The following AGBL4 variants were observed in gnomAD, a reference collection of about 807,000 sequenced individuals.
AGBL4 encodes AGBL carboxypeptidase 4, also known as cytosolic carboxypeptidase 6.
In AGBL4, 58 loss-of-function variants were observed where a neutral mutation model predicts 66.4. The observed-to-expected ratio is 0.87, with a 90% CI of 0.71 to 1.09. The LOEUF (loss-of-function observed/expected upper bound fraction) is 1.09, where lower values mean the gene tolerates loss of function less well. AGBL4 is among the 50% of genes least tolerant of loss of function. The pLI is 0.00. For missense variants in AGBL4, 579 were observed against 631.0 expected (o/e 0.92, Z 0.88); for synonymous variants, 234 against 222.9 (o/e 1.05, Z -0.44).
chr1:49,252,382 C>T (rs1176384222), intron 3 of AGBL4, among the ~76,000 whole-genome samples: 1 of 152,042 alleles, frequency 6.6e-6, no homozygotes, highest in Non-Finnish European at 1.5e-5. Flanking sequence ...AAGGAATAAA[C>T]AAAACCTCCA....
intron 4 of AGBL4, among the ~76,000 whole-genome samples, chr1:49,156,144 C>T (rs1039338965): frequency 2.0e-5 from 3 of 151,992 alleles, no homozygotes; most frequent in African/African-American, 7.2e-5. Context: ...CACTTCTAGA[C>T]CACACATTTC....
At chr1:49,129,866 C>T (rs1645852012) in intron 4 of AGBL4, among the ~76,000 whole-genome samples, 1 of 152,132 alleles carries the variant, frequency 6.6e-6, no homozygotes, top group African/African-American at 2.4e-5. Context: ...ATTTCTAGTT[C>T]TAGATCCCTG....
intron 1 of AGBL4, among the ~76,000 whole-genome samples, chr1:49,972,424 T>C (rs888786648): frequency 6.6e-6 from 1 of 152,148 alleles, no homozygotes; most frequent in East Asian, 1.9e-4. Context: ...CCTGTGGTAT[T>C]TGATATTTTG....
chr1:49,995,029 G>C, intron 1 of AGBL4: 1 of 427,672 alleles, frequency 2.3e-6, no homozygotes, highest in South Asian at 1.7e-5. Flanking sequence ...TTGTCTCAGA[G>C]GGGTCCATGG....
At chr1:49,816,771 T>C (rs1184932841) in intron 2 of AGBL4, among the ~76,000 whole-genome samples, 1 of 152,206 alleles carries the variant, frequency 6.6e-6, no homozygotes, top group African/African-American at 2.4e-5. Context: ...ACAAGACTAA[T>C]TGGCAGCATC....
intron 5 of AGBL4, among the ~76,000 whole-genome samples, chr1:48,925,149 T>TACACACAC (rs55896102): frequency 5.5e-5 from 8 of 145,916 alleles, no homozygotes; most frequent in African/African-American, 7.6e-5. Flanking sequence ...TATATATACA[T>TACACACAC]ACACACACAC....
intron 6 of AGBL4, among the ~76,000 whole-genome samples, chr1:48,724,733 A>C (rs1210336915): frequency 6.6e-6 from 1 of 152,232 alleles, no homozygotes; most frequent in Non-Finnish European, 1.5e-5. Context: ...ATTACAAAAA[A>C]AATCGCAAGT....
At chr1:49,605,631 G>A (rs199524758) in intron 3 of AGBL4, among the ~76,000 whole-genome samples, 1 of 152,096 alleles carries the variant, frequency 6.6e-6, no homozygotes, top group East Asian at 1.9e-4. Context: ...CCTTTTAAAA[G>A]TCTTGTTGCC....
At chr1:48,784,431 T>C (rs981379537) in intron 6 of AGBL4, among the ~76,000 whole-genome samples, 8 of 152,178 alleles carry the variant, frequency 5.3e-5, no homozygotes, top group Non-Finnish European at 1.0e-4. Flanking sequence ...AATAAAACTC[T>C]GTGGTCATGG....
chr1:48,752,563 A>G (rs2148634557), intron 6 of AGBL4, among the ~76,000 whole-genome samples: 1 of 152,322 alleles, frequency 6.6e-6, no homozygotes, highest in East Asian at 1.9e-4. Context: ...AGGGTTGACC[A>G]AAGATTAAGA....
At chr1:49,088,962 A>G (rs980346375) in intron 4 of AGBL4, among the ~76,000 whole-genome samples, 5 of 152,078 alleles carry the variant, frequency 3.3e-5, no homozygotes, top group African/African-American at 4.8e-5. Context: ...TCAAAACCAT[A>G]CAATTACATA....
chr1:49,741,384 G>A (rs888284912), intron 2 of AGBL4, among the ~76,000 whole-genome samples: 9 of 152,064 alleles, frequency 5.9e-5, no homozygotes, highest in Non-Finnish European at 1.3e-4. Context: ...ACCAATAACA[G>A]GCTCTGAAAT....
intron 6 of AGBL4, among the ~76,000 whole-genome samples, chr1:48,735,656 A>AT (rs751893590): frequency 1.3e-5 from 2 of 152,018 alleles, no homozygotes; most frequent in Non-Finnish European, 2.9e-5. Context: ...CCTCTCCCAT[A>AT]TACCAGAAAG....
intron 5 of AGBL4, among the ~76,000 whole-genome samples, chr1:49,020,798 T>A (rs1416064022): frequency 6.6e-6 from 1 of 152,168 alleles, no homozygotes; most frequent in African/African-American, 2.4e-5. Context: ...TCTGTGCCTG[T>A]AGGATGTAAC....
intron 5 of AGBL4, among the ~76,000 whole-genome samples, chr1:49,006,740 C>T (rs1481933087): frequency 4.0e-5 from 6 of 151,302 alleles, no homozygotes; most frequent in Non-Finnish European, 7.4e-5. Flanking sequence ...AGCAGCCTAA[C>T]TGGGAGGCAC....
Position 48,899,713 on chromosome 1 carries a change from A to T in AGBL4, c.595-32483T>A, listed in dbSNP as rs796142943. Among the ~76,000 whole-genome samples, 11 of 152,358 alleles carry T rather than the reference A, an allele frequency of 7.2e-5. No individual in the cohort carries two copies. The South Asian group carries it at 1.9e-3, about 26-fold the overall frequency. Reference sequence around the variant, plus strand: ...GAAACAAAATGACGAGCATTCCAAAAATTCAACTTTATTCTTTCATTCATT... The same window carrying T: ...GAAACAAAATGACGAGCATTCCAAATATTCAACTTTATTCTTTCATTCATT... On this transcript the variant is annotated intron_variant, in intron 5 of 13. Transcript: ENST00000371839.
At chr1:49,451,899 G>GT (rs1448469720) in intron 3 of AGBL4, among the ~76,000 whole-genome samples, 1 of 151,892 alleles carries the variant, frequency 6.6e-6, no homozygotes, top group Non-Finnish European at 1.5e-5. Context: ...ACTACATTTG[G>GT]TAGAGAAGGT....
rs374282146 is a variant in AGBL4, at chr1:49,522,989, G to T, written c.282+174324C>A. Among the ~76,000 whole-genome samples the T allele has an allele frequency of 3.4e-4, 51 of 152,110 alleles. 1 individual carries two copies. In the South Asian group the frequency reaches 9.8e-3, roughly 29 times the overall value. On this transcript the variant is annotated intron_variant, in intron 3 of 13. Transcript: ENST00000371839. ...AGAGAAGGTGGTAGGGTATATTTCAGGGGTGCATAGCAATGTATGAGGAGG... is the reference window on the plus strand; with the variant it reads ...AGAGAAGGTGGTAGGGTATATTTCATGGGTGCATAGCAATGTATGAGGAGG...
chr1:48,867,108 G>A, intron 6 of AGBL4, 83 bp downstream of exon 6: 1 of 1,472,406 alleles, frequency 6.8e-7, no homozygotes, highest in Non-Finnish European at 9.4e-7. Flanking sequence ...AAAGAGAAGG[G>A]CAAGAATTGC....
Sources: gnomAD v4.1 joint callset for allele counts (sites outside exome capture counted in the v4.1 genomes callset) on GRCh38, gnomAD v4.1.1 for gene constraint, MANE v1.5 for transcripts, NCBI Gene and HGNC (gene_info 2026-07-23, HGNC 2026-07-21) for gene names.